Variants in ERC2 observed in about 807,000 individuals in gnomAD.
ERC2 encodes the protein ERC protein 2.
Under a neutral mutation model 114.8 loss-of-function variants are expected in ERC2, and 42 were observed. That is an observed-to-expected ratio of 0.37 (90% CI 0.29 to 0.47). The LOEUF (loss-of-function observed/expected upper bound fraction) is 0.47, where lower values mean the gene tolerates loss of function less well. ERC2 is among the 20% of genes least tolerant of loss of function. ERC2 has a pLI of 0.99. For missense variants in ERC2, 939 were observed against 1,150.7 expected (o/e 0.82, Z 2.66); for synonymous variants, 454 against 425.5 (o/e 1.07, Z -0.82).
intron 4 of ERC2, among the ~76,000 whole-genome samples, chr3:56,165,879 TG>T (rs1386888510): frequency 2.6e-5 from 4 of 151,686 alleles, no homozygotes; most frequent in Non-Finnish European, 5.9e-5. Flanking sequence ...TGAACAAAAA[TG>T]TTTTTTTTTT....
Position 56,256,678 on chromosome 3 carries a change from A to C in ERC2, c.1074+39341T>G, listed in dbSNP as rs144537000. On this transcript the variant is annotated intron_variant, in intron 3 of 17. Transcript: ENST00000288221. ...CCCACATGTCGAGGGAGGGACCTGT[A>C]ATCCCCATGTGTTGAGGGAAGGAAG... Among the ~76,000 whole-genome samples, 41 of 152,256 alleles carry C rather than the reference A, an allele frequency of 2.7e-4. No individual in the cohort carries two copies. The East Asian group carries it at 5.6e-3, about 21-fold the overall frequency.
intron 7 of ERC2, among the ~76,000 whole-genome samples, chr3:56,036,710 A>G (rs1459844697): frequency 6.6e-6 from 1 of 152,160 alleles, no homozygotes; most frequent in African/African-American, 2.4e-5. Flanking sequence ...GCAGTGAGTA[A>G]TTGTGCTACC....
chr3:56,426,089 A>G (rs1171666114), intron 2 of ERC2, among the ~76,000 whole-genome samples: 1 of 152,260 alleles, frequency 6.6e-6, no homozygotes, highest in Non-Finnish European at 1.5e-5. Flanking sequence ...TCAGGAAAGA[A>G]AAAGATTTCC....
intron 7 of ERC2, among the ~76,000 whole-genome samples, chr3:56,026,649 TAC>T (rs947165046): frequency 3.3e-5 from 5 of 152,194 alleles, no homozygotes; most frequent in African/African-American, 9.7e-5. Flanking sequence ...GAAATTTACA[TAC>T]AGTTATAAGA....
At chr3:56,074,417 A>C (rs2076881229) in intron 7 of ERC2, among the ~76,000 whole-genome samples, 1 of 152,300 alleles carries the variant, frequency 6.6e-6, no homozygotes, top group Admixed American at 6.5e-5. Flanking sequence ...TATTATAAAA[A>C]TAATTATTTG....
At chr3:55,894,564 T>G (rs2063754262) in intron 13 of ERC2, among the ~76,000 whole-genome samples, 1 of 152,202 alleles carries the variant, frequency 6.6e-6, no homozygotes, top group Non-Finnish European at 1.5e-5. Context: ...AACAGGTACT[T>G]CTTCAAACTT....
chr3:56,197,928 T>C (rs1480328961), intron 3 of ERC2, among the ~76,000 whole-genome samples: 27 of 152,202 alleles, frequency 1.8e-4, no homozygotes, highest in Admixed American at 1.8e-3. Flanking sequence ...GTCAGAAATA[T>C]GCATCTAGAA....
At chr3:56,437,581 A>G (rs946245635) in intron 1 of ERC2, among the ~76,000 whole-genome samples, 1 of 152,238 alleles carries the variant, frequency 6.6e-6, no homozygotes, top group African/African-American at 2.4e-5. Flanking sequence ...CCTTTCCCTC[A>G]AGAGGTCTTA....
chr3:55,808,742 T>TATGTAAAA (rs1455596885), intron 14 of ERC2, among the ~76,000 whole-genome samples: 2 of 100,390 alleles, frequency 2.0e-5, no homozygotes, highest in African/African-American at 8.8e-5. Context: ...TATATATATA[T>TATGTAAAA]AACGTATAAC....
chr3:56,388,744 G>A (rs1307344762), intron 2 of ERC2, among the ~76,000 whole-genome samples: 1 of 152,024 alleles, frequency 6.6e-6, no homozygotes, highest in African/African-American at 2.4e-5. Flanking sequence ...TACTTTGTAC[G>A]GCAATCACAT....
chr3:55,894,985 C>G (rs1157323466), intron 13 of ERC2, among the ~76,000 whole-genome samples: 1 of 152,178 alleles, frequency 6.6e-6, no homozygotes, highest in African/African-American at 2.4e-5. Context: ...ACATATACCC[C>G]TGGACTGCCC....
chr3:56,172,598 G>A (rs1250021784), intron 4 of ERC2, among the ~76,000 whole-genome samples: 1 of 152,146 alleles, frequency 6.6e-6, no homozygotes, highest in Non-Finnish European at 1.5e-5. Context: ...TTACACTTGA[G>A]CGTGGAATTT....
intron 13 of ERC2, among the ~76,000 whole-genome samples, chr3:55,934,100 G>T (rs544634108): frequency 6.6e-6 from 1 of 152,112 alleles, no homozygotes; most frequent in East Asian, 1.9e-4. Context: ...CTATATACGC[G>T]CATATATACC....
chr3:55,803,772 A>G (rs1365137882), intron 14 of ERC2, among the ~76,000 whole-genome samples: 1 of 152,198 alleles, frequency 6.6e-6, no homozygotes, highest in Non-Finnish European at 1.5e-5. Flanking sequence ...ATGTTATGCT[A>G]TCTCCATCAT....
At chr3:56,390,329 A>T (rs1234576448) in intron 2 of ERC2, among the ~76,000 whole-genome samples, 1 of 152,192 alleles carries the variant, frequency 6.6e-6, no homozygotes, top group East Asian at 1.9e-4. Context: ...TTTCTATACC[A>T]AAAATAGAAT....
At chr3:55,861,576 T>C (rs1056278639) in intron 14 of ERC2, among the ~76,000 whole-genome samples, 7 of 152,218 alleles carry the variant, frequency 4.6e-5, no homozygotes, top group Non-Finnish European at 4.4e-5. Flanking sequence ...TCTAAAGTTA[T>C]CCTAATTTTT....
intron 7 of ERC2, among the ~76,000 whole-genome samples, chr3:56,076,419 G>A (rs1228291946): frequency 2.1e-5 from 3 of 144,078 alleles, no homozygotes; most frequent in Non-Finnish European, 4.6e-5. Context: ...AATGTACAAT[G>A]TCATCAGGTT....
At chr3:56,157,744 T>C (rs2081815315) in intron 4 of ERC2, among the ~76,000 whole-genome samples, 2 of 146,304 alleles carry the variant, frequency 1.4e-5, no homozygotes, top group African/African-American at 5.1e-5. Flanking sequence ...GTTTGTCTCA[T>C]GGAAAAAAAA....
chr3:56,180,601 T>C (rs1451231898), intron 3 of ERC2, among the ~76,000 whole-genome samples: 2 of 151,940 alleles, frequency 1.3e-5, no homozygotes, highest in East Asian at 3.9e-4. Flanking sequence ...GTATCTAGAG[T>C]AGACAAACTT....
Sources: gnomAD v4.1 joint callset for allele counts (sites outside exome capture counted in the v4.1 genomes callset) on GRCh38, gnomAD v4.1.1 for gene constraint, MANE v1.5 for transcripts, NCBI Gene and HGNC (gene_info 2026-07-23, HGNC 2026-07-21) for gene names.